RBFOX1: variants seen among roughly 807,000 people sequenced by gnomAD.
RBFOX1 encodes RNA binding fox-1 homolog 1.
In RBFOX1, 8 loss-of-function variants were observed where a neutral mutation model predicts 57.7. That is an observed-to-expected ratio of 0.14 (90% CI 0.08 to 0.25). The LOEUF (loss-of-function observed/expected upper bound fraction) is 0.25. Among genes scored for constraint, RBFOX1 ranks in the 10% least tolerant of loss-of-function variants. The pLI is 1.00. For synonymous variants in RBFOX1, 326 were observed against 222.4 expected (o/e 1.47, Z -4.15); for missense variants, 611 against 548.5 (o/e 1.11, Z -1.14).
intron 1 of RBFOX1, among the ~76,000 whole-genome samples, chr16:6,132,632 G>A (rs1042490217): frequency 6.6e-6 from 1 of 152,170 alleles, no homozygotes. Flanking sequence ...TCAAATTAGC[G>A]AAGGTGGCAT....
chr16:5,281,556 C>G (rs1015133229), intron 1 of RBFOX1, among the ~76,000 whole-genome samples: 9 of 152,176 alleles, frequency 5.9e-5, no homozygotes, highest in African/African-American at 2.2e-4. Flanking sequence ...ATATTGGTCT[C>G]TATCTCTCCG....
chr16:7,336,539 A>G (rs1231021306), intron 4 of RBFOX1, among the ~76,000 whole-genome samples: 2 of 152,234 alleles, frequency 1.3e-5, no homozygotes, highest in Non-Finnish European at 2.9e-5. Flanking sequence ...AACCTATAAC[A>G]AAAGTGACAG....
chr16:7,408,104 A>G (rs111937184), intron 4 of RBFOX1, among the ~76,000 whole-genome samples: 9 of 152,342 alleles, frequency 5.9e-5, no homozygotes, highest in African/African-American at 2.2e-4. Context: ...TTGATTAACC[A>G]GAACACAACA....
intron 5 of RBFOX1, among the ~76,000 whole-genome samples, chr16:7,572,051 T>A (rs3785243): frequency 2.0e-5 from 3 of 151,620 alleles, no homozygotes; most frequent in Non-Finnish European, 4.4e-5. Context: ...CGCTTGAACC[T>A]GGCAGACGGA....
chr16:6,723,878 C>T (rs1433308229), intron 3 of RBFOX1: 2 of 152,106 alleles, frequency 1.3e-5, no homozygotes, highest in Admixed American at 6.6e-5. Flanking sequence ...CAGCTCCACA[C>T]CCTGGCCAGA....
At chr16:7,495,812 T>C (rs1220837658) in intron 4 of RBFOX1, among the ~76,000 whole-genome samples, 2 of 152,214 alleles carry the variant, frequency 1.3e-5, no homozygotes, top group Non-Finnish European at 2.9e-5. Flanking sequence ...AGAGAACTTA[T>C]TCATGTAAGC....
intron 10 of RBFOX1, among the ~76,000 whole-genome samples, chr16:7,625,102 G>T (rs920014709): frequency 1.3e-5 from 2 of 152,056 alleles, no homozygotes; most frequent in African/African-American, 4.8e-5. Context: ...GCTTTGGCCA[G>T]GTGTGTCATT....
chr16:6,100,739 A>G (rs1290698188), intron 1 of RBFOX1, among the ~76,000 whole-genome samples: 1 of 152,214 alleles, frequency 6.6e-6, no homozygotes, highest in Non-Finnish European at 1.5e-5. Flanking sequence ...ATCCCGGTCC[A>G]TCAATCTTAA....
chr16:6,758,139 A>C (rs1282077854), intron 3 of RBFOX1, among the ~76,000 whole-genome samples: 1 of 152,022 alleles, frequency 6.6e-6, no homozygotes, highest in Non-Finnish European at 1.5e-5. Context: ...TGATTTTGAA[A>C]CTTTGTGGTC....
intron 2 of RBFOX1, among the ~76,000 whole-genome samples, chr16:6,360,379 A>T (rs1303310828): frequency 6.6e-6 from 1 of 152,180 alleles, no homozygotes; most frequent in African/African-American, 2.4e-5. Context: ...CAGGGACCAA[A>T]AGTTTCTTAT....
chr16:6,692,987 C>A (rs149057840), intron 3 of RBFOX1, among the ~76,000 whole-genome samples: 1 of 151,608 alleles, frequency 6.6e-6, no homozygotes, highest in Admixed American at 6.6e-5. Context: ...TTATCACCAT[C>A]GTTCTCCTCC....
chr16:5,675,989 A>G (rs959624887), intron 3 of RBFOX1, among the ~76,000 whole-genome samples: 3 of 152,208 alleles, frequency 2.0e-5, no homozygotes, highest in African/African-American at 7.2e-5. Flanking sequence ...TCATTTAAAA[A>G]AAGAAGGCAT....
chr16:6,909,712 C>T (rs1024928205), intron 3 of RBFOX1, among the ~76,000 whole-genome samples: 3 of 152,128 alleles, frequency 2.0e-5, no homozygotes, highest in Admixed American at 6.5e-5. Context: ...CATGCTAAGT[C>T]GTGGCAGTCA....
chr16:6,807,384 C>G (rs1166462848), intron 3 of RBFOX1, among the ~76,000 whole-genome samples: 2 of 152,096 alleles, frequency 1.3e-5, no homozygotes, highest in Non-Finnish European at 2.9e-5. Context: ...AAGTTGATTT[C>G]TGCATTTAGG....
intron 3 of RBFOX1, among the ~76,000 whole-genome samples, chr16:6,975,806 G>C (rs901197780): frequency 3.9e-4 from 59 of 152,096 alleles, no homozygotes; most frequent in African/African-American, 1.4e-3. Context: ...AGTGAATAAA[G>C]ATAATGGTAA....
At chr16:7,707,842 T>C (rs2082987424) in intron 14 of RBFOX1, among the ~76,000 whole-genome samples, 2 of 152,176 alleles carry the variant, frequency 1.3e-5, no homozygotes. Context: ...TCTGACCTAC[T>C]TGCCCCTCTC....
intron 4 of RBFOX1, among the ~76,000 whole-genome samples, chr16:7,359,668 G>C (rs1158911093): frequency 6.6e-6 from 1 of 152,126 alleles, no homozygotes; most frequent in African/African-American, 2.4e-5. Context: ...GCAATGTCAA[G>C]GATGTTTTGT....
intron 4 of RBFOX1, among the ~76,000 whole-genome samples, chr16:7,402,469 A>G (rs916754160): frequency 8.5e-5 from 13 of 152,236 alleles, no homozygotes; most frequent in African/African-American, 3.1e-4. Context: ...CTTGCATTTG[A>G]GAATTTCTGC....
chr16:5,628,436 A>C (rs2048407526), intron 3 of RBFOX1, among the ~76,000 whole-genome samples: 1 of 152,200 alleles, frequency 6.6e-6, no homozygotes. Flanking sequence ...GATAACTGAT[A>C]TAACCATAGT....
Sources: gnomAD v4.1 joint callset for allele counts (sites outside exome capture counted in the v4.1 genomes callset) on GRCh38, gnomAD v4.1.1 for gene constraint, MANE v1.5 for transcripts, NCBI Gene and HGNC (gene_info 2026-07-23, HGNC 2026-07-21) for gene names.